ATP6V1H: variants seen among roughly 807,000 people sequenced by gnomAD.
ATP6V1H encodes the protein ATPase H+ transporting V1 subunit H.
Under a neutral mutation model 71.7 loss-of-function variants are expected in ATP6V1H, and 39 were observed. The ratio of observed to expected loss-of-function variants is 0.54; its 90% confidence interval spans 0.42 to 0.71. The LOEUF is 0.71. Ranked by LOEUF, ATP6V1H falls within the 30% of genes least tolerant of loss-of-function variation. The probability of loss-of-function intolerance (pLI) is 0.00; values close to 1 mark genes in which losing one functional copy is unlikely to be tolerated. For synonymous variants in ATP6V1H, 192 were observed against 199.3 expected (o/e 0.96, Z 0.31); for missense variants, 509 against 594.9 (o/e 0.86, Z 1.50).
At chr8:53,797,385 A>C (rs1809775237) in intron 8 of ATP6V1H, among the ~76,000 whole-genome samples, 1 of 152,186 alleles carries the variant, frequency 6.6e-6, no homozygotes, top group African/African-American at 2.4e-5. Flanking sequence ...CAGTTTTTCC[A>C]GCTCTAGCAG....
At chr8:53,750,352 C>T (rs778093314) in intron 12 of ATP6V1H, among the ~76,000 whole-genome samples, 10 of 152,098 alleles carry the variant, frequency 6.6e-5, no homozygotes, top group Non-Finnish European at 1.3e-4. Context: ...AACATGCACA[C>T]TGAGAAAAAC....
At chr8:53,718,741 C>T (rs1162215367) in intron 13 of ATP6V1H, among the ~76,000 whole-genome samples, 1 of 152,186 alleles carries the variant, frequency 6.6e-6, no homozygotes, top group Admixed American at 6.5e-5. Context: ...GCATCTACTT[C>T]TTCCTGACCT....
At chr8:53,771,518 G>A (rs1043885099) in intron 10 of ATP6V1H, among the ~76,000 whole-genome samples, 1 of 152,126 alleles carries the variant, frequency 6.6e-6, no homozygotes, top group African/African-American at 2.4e-5. Context: ...GATGGTGGGA[G>A]TGGCATGGAG....
At position 53,833,103 on chromosome 8, in the gene ATP6V1H, A is replaced by C; in HGVS notation, c.114-17T>G. ...ATCTGTCCCCTAGAAAGTAAGAATA[A>C]GATGTTTTGTTCAGTAAGAGTTGAA... On this transcript the variant is annotated splice_polypyrimidine_tract_variant and intron_variant, in intron 2 of 13. Transcript: ENST00000359530. The C allele has an allele frequency of 6.3e-7, 1 of 1,594,984 alleles. No individual in the cohort carries two copies. The highest frequency in any genetic ancestry group is 1.1e-5 in the South Asian group (1 of 90,114).
chr8:53,764,520 T>C (rs1369035148), intron 11 of ATP6V1H, among the ~76,000 whole-genome samples: 2 of 151,804 alleles, frequency 1.3e-5, no homozygotes, highest in African/African-American at 4.9e-5. Flanking sequence ...GGAAACATTC[T>C]CAACTTTATC....
At chr8:53,746,897 G>A (rs141428703) in intron 12 of ATP6V1H, among the ~76,000 whole-genome samples, 1 of 152,092 alleles carries the variant, frequency 6.6e-6, no homozygotes, top group South Asian at 2.1e-4. Flanking sequence ...TGTCTAATAG[G>A]GGTAATCTTG....
chr8:53,720,853 C>T (rs1806586596), intron 13 of ATP6V1H, among the ~76,000 whole-genome samples: 1 of 152,196 alleles, frequency 6.6e-6, no homozygotes, highest in Non-Finnish European at 1.5e-5. Flanking sequence ...CATTTTTGTA[C>T]TGTTTTCTCT....
chr8:53,834,488 C>T (rs1261447798), intron 2 of ATP6V1H, among the ~76,000 whole-genome samples: 7 of 152,182 alleles, frequency 4.6e-5, no homozygotes, highest in South Asian at 2.1e-4. Flanking sequence ...TGCAGTGGCA[C>T]GATCTCAGCT....
At chr8:53,725,127 T>TA (rs1272610016) in intron 13 of ATP6V1H, among the ~76,000 whole-genome samples, 2 of 152,140 alleles carry the variant, frequency 1.3e-5, no homozygotes, top group Admixed American at 6.5e-5. Flanking sequence ...GGAGGGGCCT[T>TA]AAAGAGGTGA....
chr8:53,730,481 A>C (rs1336409848), intron 13 of ATP6V1H, among the ~76,000 whole-genome samples: 1 of 152,178 alleles, frequency 6.6e-6, no homozygotes, highest in Non-Finnish European at 1.5e-5. Context: ...AAAATATTGC[A>C]AAGTTTTTTT....
chr8:53,786,310 C>G lies in ATP6V1H; in HGVS notation c.870+9337G>C, dbSNP rs181332924. Among the ~76,000 whole-genome samples, 338 of 152,326 alleles carry G rather than the reference C, an allele frequency of 2.2e-3. 2 individuals are homozygous for G. Among genetic ancestry groups the G allele is most frequent in the African/African-American group, 7.9e-3 (327 of 41,576 alleles). On this transcript the variant is annotated intron_variant, in intron 9 of 13. Transcript: ENST00000359530. The stretch of plus-strand genomic sequence containing the variant: ...GACTGCTGTGCTAGCAATGATCGAG[C>G]CTCCGTGGGCACAGGATCCTCCGAG...
At chr8:53,736,365 A>G (rs78236456) in intron 13 of ATP6V1H, among the ~76,000 whole-genome samples, 2 of 152,222 alleles carry the variant, frequency 1.3e-5, no homozygotes, top group African/African-American at 2.4e-5. Flanking sequence ...AAAGACTAAC[A>G]TAGGAGACCA....
At chr8:53,716,740 T>C (rs1806439121) in intron 13 of ATP6V1H, among the ~76,000 whole-genome samples, 1 of 152,220 alleles carries the variant, frequency 6.6e-6, no homozygotes, top group Non-Finnish European at 1.5e-5. Context: ...AAAATAAGCA[T>C]GTGCCCACAG....
intron 7 of ATP6V1H, among the ~76,000 whole-genome samples, chr8:53,810,416 G>A (rs1810236460): frequency 6.6e-6 from 1 of 152,154 alleles, no homozygotes; most frequent in Admixed American, 6.5e-5. Flanking sequence ...GATTATTTAT[G>A]TATTTATGTA....
chr8:53,769,786 AC>A, intron 10 of ATP6V1H, 43 bp from the exon 11 acceptor site: 3 of 1,514,298 alleles, frequency 2.0e-6, no homozygotes, highest in Non-Finnish European at 2.7e-6. Flanking sequence ...TAAGAATCTG[AC>A]AGTACTCCAA....
intron 2 of ATP6V1H, among the ~76,000 whole-genome samples, chr8:53,835,336 A>G (rs145123845): frequency 7.3e-4 from 111 of 152,330 alleles, no homozygotes; most frequent in African/African-American, 2.5e-3. Context: ...GCAGGATTCA[A>G]GCAAAGAACC....
intron 9 of ATP6V1H, among the ~76,000 whole-genome samples, chr8:53,794,703 T>A (rs1809674881): frequency 6.6e-6 from 1 of 152,138 alleles, no homozygotes; most frequent in African/African-American, 2.4e-5. Context: ...AAAGAAAGTA[T>A]AAGAACAAAA....
intron 9 of ATP6V1H, among the ~76,000 whole-genome samples, chr8:53,775,850 G>A (rs1247070434): frequency 2.6e-5 from 4 of 152,226 alleles, no homozygotes; most frequent in Admixed American, 1.3e-4. Context: ...AGTGGGTCCC[G>A]CACTGGGGCT....
In ATP6V1H at chr8:53,819,486, T is replaced by C. The variant is rs549670835; in HGVS notation, c.307-1956A>G. On this transcript the variant is annotated intron_variant, in intron 4 of 13. Transcript: ENST00000359530. ...GGTGGAGGTTATAGTGAGCTGAGATTGTGCCACTGCACTCCAGCCTCAGTG... is the reference window on the plus strand; with the variant it reads ...GGTGGAGGTTATAGTGAGCTGAGATCGTGCCACTGCACTCCAGCCTCAGTG... 1.8e-3 allele frequency among the ~76,000 whole-genome samples: 257 copies of C among 139,142 alleles called. 2 individuals are homozygous for C. The highest frequency in any genetic ancestry group is 6.5e-3 in the African/African-American group (243 of 37,398). 91.3% of individuals were successfully genotyped at this position (139,142 alleles called of 152,430 possible). A position where few individuals can be genotyped will look rare whatever the true frequency, so the allele number is the denominator to read the frequency against.
Sources: gnomAD v4.1 joint callset for allele counts (sites outside exome capture counted in the v4.1 genomes callset) on GRCh38, gnomAD v4.1.1 for gene constraint, MANE v1.5 for transcripts, NCBI Gene and HGNC (gene_info 2026-07-23, HGNC 2026-07-21) for gene names.